The following CFAP161 variants were observed in gnomAD, a reference collection of about 807,000 sequenced individuals.
CFAP161 encodes the protein cilia and flagella associated protein 161.
A neutral mutation model predicts 29.0 loss-of-function variants in CFAP161; 25 were observed. That is an observed-to-expected ratio of 0.86 (90% CI 0.63 to 1.20). The LOEUF (loss-of-function observed/expected upper bound fraction) is 1.20. Among genes scored for constraint, CFAP161 ranks in the 50% most tolerant of loss-of-function variants. The pLI is 0.00. For missense variants in CFAP161, 367 were observed against 371.9 expected (o/e 0.99, Z 0.11); for synonymous variants, 116 against 137.4 (o/e 0.84, Z 1.09).
At position 81,147,813 on chromosome 15, in the gene CFAP161, A is replaced by G. The variant is rs756448250; in HGVS notation, c.637-45A>G. ...TAAGCTTTTCCCTAAAAGCAAAAAA[A>G]AAAATGTTTAGAATGCTAATAACAC... is the stretch of plus-strand genomic sequence containing the variant. On this transcript the variant is annotated intron_variant, in intron 5 of 6. Transcript: ENST00000286732. The G allele has an allele frequency of 9.5e-6, 14 of 1,476,820 alleles. No individual in the cohort carries two copies. The South Asian group carries it at 1.7e-4, about 18-fold the overall frequency. The allele number at this position is 1,476,820 out of a possible 1,614,324, so 91.5% of individuals were successfully genotyped here.
chr15:81,105,685 T>G (rs1407874828), intron 1 of CFAP161, among the ~76,000 whole-genome samples: 1 of 152,202 alleles, frequency 6.6e-6, no homozygotes, highest in African/African-American at 2.4e-5. Flanking sequence ...ACTAATGTAT[T>G]AACACTTCCG....
chr15:81,111,434 C>A (rs549074498), intron 1 of CFAP161, among the ~76,000 whole-genome samples: 4 of 152,228 alleles, frequency 2.6e-5, no homozygotes, highest in African/African-American at 7.2e-5. Context: ...AGTCAGCACA[C>A]GGCATCACCT....
intron 1 of CFAP161, among the ~76,000 whole-genome samples, chr15:81,117,270 TCAAAGCTTTTTTGTTGTACA>T (rs1282496780): frequency 1.3e-5 from 2 of 152,132 alleles, no homozygotes; most frequent in Non-Finnish European, 2.9e-5. Flanking sequence ...GATTTTATTT[TCAAAGCTTTTTTGTTGTACA>T]GAAAGTAAAA....
At position 81,102,416 on chromosome 15, in the gene CFAP161, C is replaced by T. The variant is rs116135299; in HGVS notation, c.-141-25174C>T. Among the ~76,000 whole-genome samples the T allele has an allele frequency of 6.8e-3, 1,032 of 152,286 alleles. 15 individuals are homozygous for T. The highest frequency in any genetic ancestry group is 0.024 in the African/African-American group (977 of 41,572). ...AGTGCTGTGGCTCACACCTATAATC[C>T]CAGCACTTTGGGAGGCCAAGGCCGG... On this transcript the variant is annotated intron_variant, in intron 1 of 4. Coordinates refer to the CFAP161 transcript ENST00000560091.
In CFAP161 at chr15:81,136,632, G is replaced by C. The variant is rs563596352; in HGVS notation, c.276G>C (p.Leu92=). The change falls in exon 3 of 7, where the codon CTG becomes CTC. Residue 92 remains leucine, a synonymous_variant. Coordinates refer to ENST00000286732, the MANE Select transcript of CFAP161 (RefSeq NM_173528.4). ...TGTTTCTGCGTGGGGACCTGAGCCTGTGTATGACTCCAGATGAAATTCAGT... is the reference window on the plus strand; with the variant it reads ...TGTTTCTGCGTGGGGACCTGAGCCTCTGTATGACTCCAGATGAAATTCAGT... ...ADVFLRGDLS[L]CMTPDEIQSH... 5.0e-6 allele frequency: 8 copies of C among 1,614,076 alleles called. No individual in the cohort carries two copies. The South Asian group carries it at 5.5e-5, about 11-fold the overall frequency.
chr15:81,132,295 G>A (rs184401400), upstream of CFAP161, among the ~76,000 whole-genome samples: 309 of 152,040 alleles, frequency 2.0e-3, no homozygotes, highest in Non-Finnish European at 3.3e-3. Flanking sequence ...AAGAAATAAG[G>A]GAGTCCAGAG....
intron 1 of CFAP161, among the ~76,000 whole-genome samples, chr15:81,114,506 C>T (rs1481487160): frequency 6.6e-6 from 1 of 152,150 alleles, no homozygotes; most frequent in Non-Finnish European, 1.5e-5. Flanking sequence ...AAGTTTGCCA[C>T]ATTGATTGAC....
At position 81,136,420 on chromosome 15, in the gene CFAP161, G is replaced by A. The variant is rs1434344425; in HGVS notation, c.160-96G>A. 3 of 1,059,434 alleles carry A rather than the reference G, an allele frequency of 2.8e-6. No individual in the cohort carries two copies. The African/African-American group carries it at 4.7e-5, about 17-fold the overall frequency. The allele number at this position is 1,059,434 out of a possible 1,614,324, so 65.6% of individuals were successfully genotyped here. ...AGGGAATCCAAGTGAAATCCTGAAT[G>A]AAATGGGTACTAGTCCGAGAAGGAA... On this transcript the variant is annotated intron_variant, in intron 2 of 6. Coordinates refer to ENST00000286732, the MANE Select transcript of CFAP161 (RefSeq NM_173528.4).
At chr15:81,122,612 C>T (rs1366126931) in intron 1 of CFAP161, among the ~76,000 whole-genome samples, 1 of 151,746 alleles carries the variant, frequency 6.6e-6, no homozygotes, top group Admixed American at 6.6e-5. Context: ...CTGCCTTAGC[C>T]TCCCTTGTAG....
At chr15:81,148,252 G>A (rs983069961) in intron 6 of CFAP161, 86 bp from the exon 7 acceptor site, 2 of 1,320,170 alleles carry the variant, frequency 1.5e-6, no homozygotes, top group African/African-American at 2.9e-5. Context: ...CGCTTCTTAA[G>A]GTGCTTTCGA....
chr15:81,103,492 A>G (rs1894326558), intron 1 of CFAP161, among the ~76,000 whole-genome samples: 1 of 152,154 alleles, frequency 6.6e-6, no homozygotes, highest in Non-Finnish European at 1.5e-5. Context: ...GAAAACAAAA[A>G]AAACCCAAGA....
intron 4 of CFAP161, among the ~76,000 whole-genome samples, chr15:81,141,736 G>A (rs1051409577): frequency 6.6e-6 from 1 of 151,866 alleles, no homozygotes; most frequent in African/African-American, 2.4e-5. Context: ...CTAGGCTGGA[G>A]GGCAGTGGTG....
intron 1 of CFAP161, among the ~76,000 whole-genome samples, chr15:81,107,364 T>C (rs371512339): frequency 7.2e-5 from 11 of 152,312 alleles, no homozygotes; most frequent in African/African-American, 2.6e-4. Flanking sequence ...CCACCCAAGG[T>C]TTACACAGCA....
chr15:81,108,190 A>G (rs1388681645), intron 1 of CFAP161, among the ~76,000 whole-genome samples: 3 of 152,186 alleles, frequency 2.0e-5, no homozygotes, highest in African/African-American at 2.4e-5. Flanking sequence ...GAATAATTGC[A>G]TTGCTTCCAA....
chr15:81,100,589 A>G (rs1430694345), intron 1 of CFAP161, among the ~76,000 whole-genome samples: 1 of 152,170 alleles, frequency 6.6e-6, no homozygotes, highest in African/African-American at 2.4e-5. Context: ...AATAATAGGC[A>G]TCTTCCTTTA....
chr15:81,129,175 A>G (rs1894678263), intron 2 of CFAP161, among the ~76,000 whole-genome samples: 1 of 152,032 alleles, frequency 6.6e-6, no homozygotes, highest in Non-Finnish European at 1.5e-5. Flanking sequence ...AGATCTCAAC[A>G]GTGGGCTTAA....
At chr15:81,099,996 A>G (rs1302268837) in intron 1 of CFAP161, among the ~76,000 whole-genome samples, 1 of 152,006 alleles carries the variant, frequency 6.6e-6, no homozygotes, top group African/African-American at 2.4e-5. Context: ...TGCCTCATAG[A>G]TGCATGAGTA....
At chr15:81,131,905 CA>C (rs932284606), upstream of CFAP161, among the ~76,000 whole-genome samples, 4 of 151,568 alleles carry the variant, frequency 2.6e-5, no homozygotes, top group Non-Finnish European at 5.9e-5. Context: ...AAGACAAAGA[CA>C]AAAAAAATCT....
intron 2 of CFAP161, among the ~76,000 whole-genome samples, chr15:81,129,061 A>G (rs1174328117): frequency 2.0e-5 from 3 of 152,210 alleles, no homozygotes; most frequent in Non-Finnish European, 4.4e-5. Context: ...CATGAAAACA[A>G]TATTAATTTC....
Sources: gnomAD v4.1 joint callset for allele counts (sites outside exome capture counted in the v4.1 genomes callset) on GRCh38, gnomAD v4.1.1 for gene constraint, MANE v1.5 for transcripts, NCBI Gene and HGNC (gene_info 2026-07-23, HGNC 2026-07-21) for gene names.